The following NDRG2 variants were observed in gnomAD, a reference collection of about 807,000 sequenced individuals.
The protein encoded by NDRG2 is protein NDRG2.
Under a neutral mutation model 58.2 loss-of-function variants are expected in NDRG2, and 34 were observed. The ratio of observed to expected loss-of-function variants is 0.58; its 90% CI spans 0.44 to 0.78. The LOEUF is 0.78. NDRG2 is among the 30% of genes least tolerant of loss of function. NDRG2 has a pLI of 0.00. For synonymous variants in NDRG2, 187 were observed against 175.9 expected, an observed-to-expected ratio of 1.06 and a Z score of -0.50; for missense variants, 434 against 471.2, an observed-to-expected ratio of 0.92 and a Z score of 0.73.
At chr14:21,037,597 A>C (rs1884706382) in intron 1 of NDRG2, among the ~76,000 whole-genome samples, 1 of 152,250 alleles carries the variant, frequency 6.6e-6, no homozygotes, top group Non-Finnish European at 1.5e-5. Flanking sequence ...ATAACAAAGA[A>C]TTATCCAGAC....
In NDRG2 at chr14:21,018,994, A is replaced by G. The variant is rs1263788203; in HGVS notation, c.761+122T>C. Reference sequence around the variant, plus strand: ...GACCTAGAGGGAAGTGATTTACCAAATAGGATGGGGTGGGACATGACAAGG... The same window carrying G: ...GACCTAGAGGGAAGTGATTTACCAAGTAGGATGGGGTGGGACATGACAAGG... On this transcript the variant is annotated intron_variant, in intron 11 of 15. Coordinates refer to ENST00000556147, the MANE Select transcript of NDRG2 (RefSeq NM_001320329.2). The G allele has an allele frequency of 2.3e-6, 3 of 1,283,926 alleles. No individual in the cohort carries two copies. In the African/African-American group the frequency reaches 4.5e-5, roughly 19 times the overall value. 79.5% of individuals were successfully genotyped at this position (1,283,926 alleles called of 1,614,324 possible).
rs372509962 is a variant in NDRG2, at chr14:21,021,925, A to T, written c.345-46T>A. On this transcript the variant is annotated intron_variant, in intron 5 of 15. Coordinates refer to ENST00000556147, the MANE Select transcript of NDRG2 (RefSeq NM_001320329.2). The stretch of plus-strand genomic sequence containing the variant: ...AAGGAAGATACCAACCTGCCCTCAC[A>T]CCCCCCACCTCAGGATGTCCTACTC... 7.3e-4 allele frequency: 1,181 copies of T among 1,610,290 alleles called. 20 individuals are homozygous for T. The South Asian group carries it at 0.012, about 17-fold the overall frequency.
chr14:21,030,492 C>A, upstream of NDRG2: 1 of 1,353,942 alleles, frequency 7.4e-7, no homozygotes, highest in Non-Finnish European at 1.0e-6. Flanking sequence ...TACCATAACA[C>A]TCATCCTCAT....
chr14:21,047,316 A>G (rs1958392), intron 1 of NDRG2, among the ~76,000 whole-genome samples: 90,729 of 151,918 alleles, frequency 0.6, 28,171 homozygotes, highest in Non-Finnish European at 0.68. Flanking sequence ...CATCTAGAGT[A>G]CTCACCAATA....
intron 1 of NDRG2, among the ~76,000 whole-genome samples, chr14:21,045,555 A>C (rs1213070106): frequency 6.6e-6 from 1 of 152,222 alleles, no homozygotes; most frequent in Non-Finnish European, 1.5e-5. Context: ...TACTTGGGGC[A>C]GCCGATTTTT....
chr14:21,069,490 G>A (rs1886498926), intron 1 of NDRG2, among the ~76,000 whole-genome samples: 1 of 152,214 alleles, frequency 6.6e-6, no homozygotes, highest in Admixed American at 6.5e-5. Flanking sequence ...GGAAGGGAAG[G>A]GCCACGGAGG....
chr14:21,043,020 C>T, intron 1 of NDRG2: 1 of 1,614,018 alleles, frequency 6.2e-7, no homozygotes, highest in Non-Finnish European at 8.5e-7. Context: ...AGGATTCTGC[C>T]CCCTTCTGCT....
intron 1 of NDRG2, among the ~76,000 whole-genome samples, chr14:21,044,974 C>G (rs1402421815): frequency 2.0e-5 from 3 of 152,278 alleles, no homozygotes; most frequent in South Asian, 4.1e-4. Flanking sequence ...TGTTTCTCTA[C>G]AGCAAAATGT....
chr14:21,017,645 C>T lies in NDRG2; in HGVS notation c.1067G>A (p.Gly356Glu), dbSNP rs1251527683. 6.2e-7 allele frequency: 1 copy of T among 1,613,426 alleles called. No homozygotes were observed. Among genetic ancestry groups the T allele is most frequent in the Non-Finnish European group, 8.5e-7 (1 of 1,179,734 alleles). Residue 356 changes from glycine to glutamate, a missense_variant, in exon 16 of 16, where the codon GGA becomes GAA. By Grantham distance (98) the Gly-to-Glu change is moderately conservative. Coordinates refer to ENST00000556147, the MANE Select transcript of NDRG2 (RefSeq NM_001320329.2). ...SRTLSQSSES[G>E]TLSSGPPGHT... ...CCCCGGGGGCCCCGAAGAAAGAGTT[C>T]CAGACTCGCTGCTCTGGGACAGGGT...
chr14:21,034,448 C>G (rs1258866858), intron 1 of NDRG2, among the ~76,000 whole-genome samples: 1 of 152,176 alleles, frequency 6.6e-6, no homozygotes, highest in Non-Finnish European at 1.5e-5. Flanking sequence ...AGATGCTTGC[C>G]CAAGGCCACC....
Position 21,019,959 on chromosome 14 carries a change from A to G in NDRG2, c.573T>C (p.Ser191=), listed in dbSNP as rs757664920. 16 of 1,613,904 alleles carry G rather than the reference A, an allele frequency of 9.9e-6. No individual in the cohort carries two copies. In the South Asian group the frequency reaches 1.8e-4, roughly 18 times the overall value. ...WAAHKLTGLT[S]SIPEMILGHL... ...GTCCAAGGATCATCTCCGGAATGGA[A>G]GAGGTGAGGCCTGTTAGCTATGAGG... Residue 191 remains serine, a synonymous_variant, in exon 9 of 16, where the codon TCT becomes TCC. Coordinates refer to ENST00000556147, the MANE Select transcript of NDRG2 (RefSeq NM_001320329.2).
At chr14:21,030,913 T>C (rs2282035) in intron 1 of NDRG2, 450,316 of 1,524,476 alleles carry the variant, frequency 0.3, 69,959 homozygotes, top group Admixed American at 0.34. Context: ...CACTGATTGA[T>C]AGGACAAAAG....
intron 1 of NDRG2, among the ~76,000 whole-genome samples, chr14:21,039,930 TC>T (rs1308305908): frequency 1.3e-5 from 2 of 152,110 alleles, no homozygotes; most frequent in Admixed American, 6.5e-5. Context: ...CTTGAAAACA[TC>T]CCACTCTAGG....
intron 1 of NDRG2, chr14:21,043,445 C>A (rs1236253386): frequency 7.5e-6 from 12 of 1,596,664 alleles, no homozygotes; most frequent in African/African-American, 1.3e-5. Flanking sequence ...TTCCTGTACA[C>A]TTGGACAGAG....
At chr14:21,022,012 C>A (rs564432021) in intron 5 of NDRG2, 50 bp downstream of exon 5, 2 of 1,613,822 alleles carry the variant, frequency 1.2e-6, no homozygotes, top group East Asian at 4.5e-5. Flanking sequence ...CTTTCCCGCA[C>A]CTGTCCTGTT....
chr14:21,067,985 T>TCTCCATGAAAAAAAAAATGA (rs1566514089), intron 1 of NDRG2, among the ~76,000 whole-genome samples: 4 of 4,288 alleles, frequency 9.3e-4, no homozygotes, highest in African/African-American at 5.1e-3. Context: ...CTCCCCTTTT[T>TCTCCATGAAAAAAAAAATGA]TTTTTTTTTT....
upstream of NDRG2, among the ~76,000 whole-genome samples, chr14:21,026,310 T>C (rs1003460907): frequency 1.4e-5 from 2 of 143,120 alleles, no homozygotes; most frequent in African/African-American, 2.6e-5. Flanking sequence ...GCCCCCCTTG[T>C]AGCTCCCCCA....
At chr14:21,030,232 C>T (rs1883968180), upstream of NDRG2, 2 of 203,232 alleles carry the variant, frequency 9.8e-6, no homozygotes, top group Admixed American at 5.5e-5. Flanking sequence ...CACAGCCAAC[C>T]GGCTCCCACA....
At chr14:21,018,618 C>T (rs1025494678) in intron 12 of NDRG2, 114 bp from the exon 13 acceptor site, 4 of 1,555,438 alleles carry the variant, frequency 2.6e-6, no homozygotes, top group African/African-American at 2.7e-5. Context: ...CTACCCAGTT[C>T]CTCCTTACCA....
Sources: allele counts gnomAD v4.1 joint callset (sites outside exome capture counted in the v4.1 genomes callset), GRCh38; gene constraint gnomAD v4.1.1; transcripts MANE v1.5; gene names NCBI Gene and HGNC (gene_info 2026-07-23, HGNC 2026-07-21).